LRRC4B: variants seen among roughly 807,000 people sequenced by gnomAD.
LRRC4B encodes leucine-rich repeat-containing protein 4B.
Under a neutral mutation model 7.3 loss-of-function variants are expected in LRRC4B, and 1 was observed. The ratio of observed to expected loss-of-function variants is 0.14; its 90% CI spans 0.05 to 0.65. LRRC4B has a LOEUF of 0.65. Ranked by LOEUF, LRRC4B falls within the 30% of genes least tolerant of loss-of-function variation. The pLI is 0.84. For synonymous variants in LRRC4B, 500 were observed against 499.2 expected (o/e 1.00, Z -0.02); for missense variants, 730 against 1,041.6 (o/e 0.70, Z 4.12).
At chr19:50,542,918 C>A (rs961792083) in intron 2 of LRRC4B, among the ~76,000 whole-genome samples, 5 of 152,128 alleles carry the variant, frequency 3.3e-5, no homozygotes, top group African/African-American at 9.7e-5. Context: ...GCACCGTCAC[C>A]CCGTGGACTT....
intron 2 of LRRC4B, among the ~76,000 whole-genome samples, chr19:50,527,828 G>A (rs1008210684): frequency 1.5e-4 from 23 of 149,150 alleles, no homozygotes; most frequent in African/African-American, 5.2e-4. Context: ...TGCAAGCTCC[G>A]CCTTCTGGGT....
Position 50,542,089 on chromosome 19 carries a change from C to G in LRRC4B, c.297+6453G>C, listed in dbSNP as rs180926324. Among the ~76,000 whole-genome samples, 77 of 152,302 alleles carry G rather than the reference C, an allele frequency of 5.1e-4. 1 individual carries two copies. The highest frequency in any genetic ancestry group is 2.9e-3 in the South Asian group (14 of 4,830). ...ACGCAAAGCAACAATACCCATTTTGCAAGAACACACACAAGCAAAAAATCC... is the reference window on the plus strand; with the variant it reads ...ACGCAAAGCAACAATACCCATTTTGGAAGAACACACACAAGCAAAAAATCC... On this transcript the variant is annotated intron_variant, in intron 2 of 2. Transcript: ENST00000652263.
intron 1 of LRRC4B, among the ~76,000 whole-genome samples, chr19:50,564,770 C>G (rs1339022033): frequency 6.6e-5 from 10 of 151,886 alleles, no homozygotes; most frequent in African/African-American, 2.4e-4. Flanking sequence ...CCAGTGTGAG[C>G]TACACAGCAG....
chr19:50,518,096 C>G lies in LRRC4B; in HGVS notation c.1617G>C (p.Thr539=), dbSNP rs375311127. The G allele has an allele frequency of 2.6e-4, 415 of 1,596,648 alleles. No individual in the cohort carries two copies. Among genetic ancestry groups the G allele is most frequent in the Middle Eastern group, 3.3e-4 (2 of 6,000 alleles). ...GCCGCGAGGAGCGCGGGGCGGGTGC[C>G]GTGGTAGAAGACGAGGCAGGGCCGG... ...DAAGPASSST[T]APAPRSSRPT... is the part of the protein sequence containing the mutation. Residue 539 remains threonine (T), a synonymous_variant, in exon 3 of 3, where the codon ACG becomes ACC. Coordinates refer to ENST00000652263, the MANE Select transcript of LRRC4B (RefSeq NM_001080457.2).
chr19:50,518,788 T>G lies in LRRC4B; in HGVS notation c.925A>C (p.Asn309His). The change falls in exon 3 of 3, where the codon AAC becomes CAC. Residue 309 changes from asparagine (N) to histidine (H), a missense_variant. By Grantham distance (68) the Asn-to-His change is moderately conservative. This residue lies in a region of LRRC4B where 226 missense variants were observed against 448.0 expected (regional missense o/e 0.50). Transcript: ENST00000652263. Reference protein sequence around the residue: ...PLHRLERVHLNHNPWHCNCDV... With the variant: ...PLHRLERVHLHHNPWHCNCDV... ...CAGTTGCAATGCCAGGGGTTGTGGT[T>G]GAGGTGCACGCGCTCGAGGCGGTGC... is the stretch of plus-strand genomic sequence containing the variant. The G allele has an allele frequency of 6.2e-7, 1 of 1,613,912 alleles. No homozygotes were observed. The highest frequency in any genetic ancestry group is 8.5e-7 in the Non-Finnish European group (1 of 1,179,922).
chr19:50,524,762 G>A (rs1056836556), intron 2 of LRRC4B, among the ~76,000 whole-genome samples: 39 of 152,214 alleles, frequency 2.6e-4, no homozygotes, highest in African/African-American at 9.2e-4. Context: ...AACCCAACAT[G>A]TGTTTTACAC....
rs559946816 is a variant in LRRC4B at position 50,559,286 on chromosome 19, T to C, written c.-36+8658A>G. 4.6e-5 allele frequency among the ~76,000 whole-genome samples: 7 copies of C among 152,072 alleles called. No individual in the cohort carries two copies. The South Asian group carries it at 1.5e-3, about 32-fold the overall frequency. ...TCCACCTCTACTAAAAATACAAAAT[T>C]AGCCGTGCCTGGTGGCGGGCGTCCA... is the stretch of plus-strand genomic sequence containing the variant. On this transcript the variant is annotated intron_variant, in intron 1 of 2. Transcript: ENST00000652263.
chr19:50,523,803 C>CA lies in LRRC4B; in HGVS notation c.298-4389dup, dbSNP rs575952975. On this transcript the variant is annotated intron_variant, in intron 2 of 2. Transcript: ENST00000652263. ...CGAAACCCCATCTCTACTAAAAATACAAAAAATTAGTCAGGCATGGTGGCA... is the reference window on the plus strand; with the variant it reads ...CGAAACCCCATCTCTACTAAAAATACAAAAAAATTAGTCAGGCATGGTGGCA... Among the ~76,000 whole-genome samples, 585 of 151,724 alleles carry CA rather than the reference C, an allele frequency of 3.9e-3. 3 individuals are homozygous for CA. Among genetic ancestry groups the CA allele is most frequent in the African/African-American group, 0.013 (554 of 41,392 alleles).
At chr19:50,546,761 G>A (rs537948294) in intron 2 of LRRC4B, among the ~76,000 whole-genome samples, 11 of 152,270 alleles carry the variant, frequency 7.2e-5, no homozygotes, top group East Asian at 3.9e-4. Flanking sequence ...AAAGAGAAAC[G>A]GGTCCAGGTT....
chr19:50,550,776 G>C (rs1293389078), intron 1 of LRRC4B: 1 of 152,410 alleles, frequency 6.6e-6, no homozygotes, highest in East Asian at 1.9e-4. Flanking sequence ...GGCTGGGGCC[G>C]TGTGTCTGTG....
intron 1 of LRRC4B, among the ~76,000 whole-genome samples, chr19:50,559,168 C>T (rs1000404449): frequency 6.6e-6 from 1 of 152,178 alleles, no homozygotes; most frequent in African/African-American, 2.4e-5. Flanking sequence ...GGGGTGGTGG[C>T]TCACGCCTGT....
intron 2 of LRRC4B, among the ~76,000 whole-genome samples, chr19:50,533,450 T>A (rs1981138222): frequency 6.9e-6 from 1 of 145,346 alleles, no homozygotes; most frequent in African/African-American, 2.9e-5. Context: ...ATTCTTCTCT[T>A]CTCCTCCCAA....
chr19:50,539,943 G>T (rs560117384), intron 2 of LRRC4B, among the ~76,000 whole-genome samples: 1 of 150,360 alleles, frequency 6.7e-6, no homozygotes, highest in African/African-American at 2.4e-5. Flanking sequence ...AGAGAATAAA[G>T]AAAACATAAA....
chr19:50,518,124 G>A lies in LRRC4B; in HGVS notation c.1589C>T (p.Ala530Val). 2 of 1,592,534 alleles carry A rather than the reference G, an allele frequency of 1.3e-6. No homozygotes were observed. The highest frequency in any genetic ancestry group is 1.8e-5 in the Admixed American group (1 of 55,090). ...GGTAGAAGACGAGGCAGGGCCGGCC[G>A]CGTCCCCAGGCCGGCCCCCACCCCA... ...GVWGGGRPGD[A>V]AGPASSSTTA... The change falls in exon 3 of 3, where the codon GCG (alanine) becomes GTG (valine). Residue 530 changes from alanine to valine, a missense_variant. Coordinates refer to ENST00000652263, the MANE Select transcript of LRRC4B (RefSeq NM_001080457.2).
intron 2 of LRRC4B, among the ~76,000 whole-genome samples, chr19:50,528,560 GTC>G (rs1980918714): frequency 6.6e-6 from 1 of 152,220 alleles, no homozygotes; most frequent in African/African-American, 2.4e-5. Context: ...AGCCAGGTTG[GTC>G]TTGAACTCCT....
In LRRC4B at chr19:50,519,931, A is replaced by T. The variant is rs1055843854; in HGVS notation, c.298-516T>A. Among the ~76,000 whole-genome samples, 1 of 151,872 alleles carries T rather than the reference A, an allele frequency of 6.6e-6. No homozygotes were observed. The highest frequency in any genetic ancestry group is 1.5e-5 in the Non-Finnish European group (1 of 67,994). On this transcript the variant is annotated intron_variant, in intron 2 of 2. Transcript: ENST00000652263. The surrounding 1 kb of genome is among the most constrained non-coding windows in gnomAD (Gnocchi z 8.1). ...GGGGGACCAAGCACAGGGGTGGCTC[A>T]TGCCTGTAATCCCAGCACTTTGGGA...
At chr19:50,551,517 C>G (rs895995391) in intron 1 of LRRC4B, among the ~76,000 whole-genome samples, 1 of 140,528 alleles carries the variant, frequency 7.1e-6, no homozygotes, top group African/African-American at 2.7e-5. Context: ...CACCCACCGA[C>G]CCCAGCCCCC....
chr19:50,518,831 G>T lies in LRRC4B; in HGVS notation c.882C>A (p.His294Gln). ...GGCGGTGCAGGGGCGTGAAGAGGTC[G>T]TGGGGCAGCGACATCAGGTTGTTGT... ...LSHNNLMSLP[H>Q]DLFTPLHRLE... The change falls in exon 3 of 3, where the codon CAC (histidine) becomes CAA (glutamine). Residue 294 changes from histidine (H) to glutamine (Q), a missense_variant. Coordinates refer to ENST00000652263, the MANE Select transcript of LRRC4B (RefSeq NM_001080457.2). The T allele has an allele frequency of 6.2e-7, 1 of 1,614,056 alleles. No homozygotes were observed. Among genetic ancestry groups the T allele is most frequent in the Non-Finnish European group, 8.5e-7 (1 of 1,179,976 alleles).
chr19:50,539,093 T>C lies in LRRC4B; in HGVS notation c.297+9449A>G, dbSNP rs187886719. Reference sequence around the variant, plus strand: ...CAGGGTTTCACCATGTTGGCCAGGATGGTCTCGAACTCCTGACCTTGTGAT... The same window carrying C: ...CAGGGTTTCACCATGTTGGCCAGGACGGTCTCGAACTCCTGACCTTGTGAT... On this transcript the variant is annotated intron_variant, in intron 2 of 2. Transcript: ENST00000652263. 4.4e-3 allele frequency among the ~76,000 whole-genome samples: 668 copies of C among 150,494 alleles called. 1 individual carries two copies. The highest frequency in any genetic ancestry group is 0.015 in the African/African-American group (618 of 40,812).
Sources: gnomAD v4.1 joint callset for allele counts (sites outside exome capture counted in the v4.1 genomes callset) on GRCh38, gnomAD v4.1.1 for gene constraint, gnomAD v4.1.1 regional missense constraint, Gnocchi (gnomAD v3.1) non-coding constraint, MANE v1.5 for transcripts, NCBI Gene and HGNC (gene_info 2026-07-23, HGNC 2026-07-21) for gene names.